Variants in MEIS2 observed in about 807,000 individuals in gnomAD.
MEIS2 encodes the protein Meis homeobox 2.
Under a neutral mutation model 58.6 loss-of-function variants are expected in MEIS2, and 9 were observed. The observed-to-expected ratio is 0.15, with a 90% CI of 0.09 to 0.27. MEIS2 has a LOEUF of 0.27. Among genes scored for constraint, MEIS2 ranks in the 10% least tolerant of loss-of-function variants. MEIS2 has a pLI of 1.00. For synonymous variants in MEIS2, 221 were observed against 228.4 expected (o/e 0.97, Z 0.29); for missense variants, 427 against 635.0 (o/e 0.67, Z 3.52).
At chr15:36,948,644 C>G (rs2058655907) in intron 9 of MEIS2, among the ~76,000 whole-genome samples, 1 of 151,924 alleles carries the variant, frequency 6.6e-6, no homozygotes, top group Non-Finnish European at 1.5e-5. Flanking sequence ...TTAGCTCAGT[C>G]TGGTAATCAG....
At position 36,905,034 on chromosome 15, in the gene MEIS2, TTG is replaced by T. The variant is rs71126242; in HGVS notation, c.978-8350_978-8349del. ...ATGTATGTAGGTATATGTATGTGTATTGTGTGTGTGTGTGTGCACATGTACAT... is the reference window on the plus strand; with the variant it reads ...ATGTATGTAGGTATATGTATGTGTATTGTGTGTGTGTGTGCACATGTACAT... On this transcript the variant is annotated intron_variant, in intron 9 of 11. Transcript: ENST00000561208. 5.9e-3 allele frequency among the ~76,000 whole-genome samples: 885 copies of T among 151,254 alleles called. 5 individuals are homozygous for T. Among genetic ancestry groups the T allele is most frequent in the African/African-American group, 0.02 (839 of 41,282 alleles).
At chr15:36,917,985 C>T (rs753155846) in intron 9 of MEIS2, among the ~76,000 whole-genome samples, 1 of 152,168 alleles carries the variant, frequency 6.6e-6, no homozygotes, top group Non-Finnish European at 1.5e-5. Context: ...TCTTTGATTG[C>T]CTGCAGAAAT....
intron 8 of MEIS2, among the ~76,000 whole-genome samples, chr15:36,984,177 C>T (rs2060021069): frequency 6.6e-6 from 1 of 151,886 alleles, no homozygotes; most frequent in African/African-American, 2.4e-5. Flanking sequence ...ATTTCCAGTA[C>T]TAGGTTGAAT....
intron 8 of MEIS2, among the ~76,000 whole-genome samples, chr15:36,994,172 CTG>C (rs1466775135): frequency 6.6e-6 from 1 of 152,006 alleles, no homozygotes; most frequent in African/African-American, 2.4e-5. Context: ...GCAGGAAAGA[CTG>C]TATAAATATA....
intron 8 of MEIS2, among the ~76,000 whole-genome samples, chr15:36,968,267 G>A (rs999258138): frequency 4.6e-5 from 7 of 152,252 alleles, no homozygotes; most frequent in East Asian, 1.9e-4. Flanking sequence ...AAAATCATAC[G>A]GAGAAAATTT....
rs1349133404 is a variant in MEIS2 at position 37,097,975 on chromosome 15, C to A, written c.237G>T (p.Ala79=). 15 of 1,597,748 alleles carry A rather than the reference C, an allele frequency of 9.4e-6. No homozygotes were observed. Among genetic ancestry groups the A allele is most frequent in the African/African-American group, 9.4e-5 (7 of 74,708 alleles). ...VNDALKRDKD[A]IYGHPLFPLL... is the part of the protein sequence containing the mutation. ...CCGGGGGGTCAGTTTACCCATAGAT[C>A]GCGTCCTTGTCCCGCTTCAAGGCGT... The change falls in exon 2 of 12, where the codon GCG becomes GCT. Residue 79 remains alanine, a synonymous_variant. Coordinates refer to ENST00000561208, the MANE Select transcript of MEIS2 (RefSeq NM_170675.5).
chr15:36,959,305 C>T (rs751476170), intron 8 of MEIS2, among the ~76,000 whole-genome samples: 3 of 152,144 alleles, frequency 2.0e-5, no homozygotes, highest in Non-Finnish European at 2.9e-5. Context: ...CCATATCCTA[C>T]GTCTTTCTTT....
At chr15:36,981,146 A>C (rs114614575) in intron 8 of MEIS2, among the ~76,000 whole-genome samples, 4,851 of 152,188 alleles carry the variant, frequency 0.032, 239 homozygotes, top group African/African-American at 0.11. Context: ...ATTTACTCCA[A>C]ATAGAAAATG....
At chr15:37,038,275 C>G (rs568805908) in intron 7 of MEIS2, among the ~76,000 whole-genome samples, 65 of 152,346 alleles carry the variant, frequency 4.3e-4, no homozygotes, top group Middle Eastern at 3.4e-3. Flanking sequence ...TCCATCAGCT[C>G]ATTCCCAGAC....
chr15:36,988,417 G>A lies in MEIS2; in HGVS notation c.901-38017C>T, dbSNP rs568862273. On this transcript the variant is annotated intron_variant, in intron 8 of 11. Coordinates refer to ENST00000561208, the MANE Select transcript of MEIS2 (RefSeq NM_170675.5). Reference sequence around the variant, plus strand: ...TTCCAAATACGAGTTCAGAGACAATGAATGTTAGCTGACATTCCTGTCACT... The same window carrying A: ...TTCCAAATACGAGTTCAGAGACAATAAATGTTAGCTGACATTCCTGTCACT... 3.9e-5 allele frequency among the ~76,000 whole-genome samples: 6 copies of A among 152,264 alleles called. No homozygotes were observed. In the South Asian group the frequency reaches 1.0e-3, roughly 26 times the overall value.
chr15:37,018,035 C>A (rs1222481855), intron 8 of MEIS2, among the ~76,000 whole-genome samples: 2 of 152,122 alleles, frequency 1.3e-5, no homozygotes, highest in African/African-American at 4.8e-5. Context: ...TTTGTCCATC[C>A]TAACAACCCT....
chr15:37,003,444 A>G (rs2060808819), intron 8 of MEIS2, among the ~76,000 whole-genome samples: 1 of 152,186 alleles, frequency 6.6e-6, no homozygotes, highest in African/African-American at 2.4e-5. Context: ...TAAATTTAGA[A>G]GAGAGGGAAG....
intron 9 of MEIS2, among the ~76,000 whole-genome samples, chr15:36,943,901 G>T (rs1256802387): frequency 6.6e-6 from 1 of 151,816 alleles, no homozygotes; most frequent in Non-Finnish European, 1.5e-5. Flanking sequence ...CTTTTAAAAG[G>T]CTCTTGCTGA....
Position 36,952,605 on chromosome 15 carries a change from C to CTG in MEIS2, c.901-2206_901-2205insCA, listed in dbSNP as rs1323367225. ...GTAGAGTCTGTCTGTCTGTCTCTCTCTCTGTGTGTGTGTGTGTGTGTGTGT... is the reference window on the plus strand; with the variant it reads ...GTAGAGTCTGTCTGTCTGTCTCTCTCTGTCTGTGTGTGTGTGTGTGTGTGTGT... On this transcript the variant is annotated intron_variant, in intron 8 of 11. Transcript: ENST00000561208. 6.0e-4 allele frequency among the ~76,000 whole-genome samples: 50 copies of CTG among 83,566 alleles called. No homozygotes were observed. The South Asian group carries it at 0.011, about 19-fold the overall frequency. The allele number at this position is 83,566 out of a possible 152,430, so 54.8% of individuals were successfully genotyped here. A position where few individuals can be genotyped will look rare whatever the true frequency, so the allele number is the denominator to read the frequency against.
intron 9 of MEIS2, among the ~76,000 whole-genome samples, chr15:36,912,394 A>T (rs1273296744): frequency 1.3e-5 from 2 of 152,364 alleles, no homozygotes; most frequent in African/African-American, 4.8e-5. Flanking sequence ...TTAGAGCCGT[A>T]ATGAGCTGCC....
At position 37,097,951 on chromosome 15, in the gene MEIS2, C is replaced by A. The variant is rs1567298526; in HGVS notation, c.245+16G>T. ...ACACTCACACACAGTAAGCTGGGTC[C>A]GGGGGGTCAGTTTACCCATAGATCG... On this transcript the variant is annotated intron_variant, in intron 2 of 11. Coordinates refer to ENST00000561208, the MANE Select transcript of MEIS2 (RefSeq NM_170675.5). 1 of 1,573,382 alleles carries A rather than the reference C, an allele frequency of 6.4e-7. No homozygotes were observed. Among genetic ancestry groups the A allele is most frequent in the South Asian group, 1.2e-5 (1 of 84,440 alleles).
At chr15:36,930,700 AAAG>A (rs1395353619) in intron 9 of MEIS2, among the ~76,000 whole-genome samples, 4 of 152,206 alleles carry the variant, frequency 2.6e-5, no homozygotes, top group African/African-American at 7.2e-5. Context: ...CAAGGTTGTT[AAAG>A]AAGAGGAAAG....
At position 37,093,715 on chromosome 15, in the gene MEIS2, C is replaced by T. The variant is rs1039511168; in HGVS notation, c.505G>A (p.Asp169Asn). Residue 169 changes from aspartate (D) to asparagine (N), a missense_variant, in exon 6 of 12, where the codon GAT (aspartate) becomes AAT (asparagine). Physicochemically the swap from Asp to Asn is conservative, Grantham distance 23 (BLOSUM62 1). This residue lies in a region of MEIS2 where 138 missense variants were observed against 263.0 expected (regional missense o/e 0.52). Transcript: ENST00000561208. ...CTAATGTATCGGTGGCAGAAGTTAT[C>T]GCACAGTTCGTGGACCTAGAACGAA... Reference protein sequence around the residue: ...LELEKVHELCDNFCHRYISCL... With the variant: ...LELEKVHELCNNFCHRYISCL... The T allele has an allele frequency of 3.1e-5, 50 of 1,613,984 alleles. No homozygotes were observed. Among genetic ancestry groups the T allele is most frequent in the Non-Finnish European group, 4.2e-5 (50 of 1,180,026 alleles).
At chr15:37,037,077 T>G in intron 7 of MEIS2, 118 bp from the exon 8 acceptor site, 1 of 992,464 alleles carries the variant, frequency 1.0e-6, no homozygotes, top group Non-Finnish European at 1.4e-6. Flanking sequence ...GAGTATATTC[T>G]CTTTCATTAA....
Sources: allele counts gnomAD v4.1 joint callset (sites outside exome capture counted in the v4.1 genomes callset), GRCh38; gene constraint gnomAD v4.1.1; regional missense constraint gnomAD v4.1.1; transcripts MANE v1.5; gene names NCBI Gene and HGNC (gene_info 2026-07-23, HGNC 2026-07-21).